PGPEP1: variants seen among roughly 807,000 people sequenced by gnomAD.
The protein encoded by PGPEP1 is pyroglutamyl-peptidase I.
PGPEP1 carries 15 observed loss-of-function variants against 24.1 expected under a neutral mutation model. The observed-to-expected ratio is 0.62, with a 90% CI of 0.42 to 0.96. The LOEUF is 0.96. Ranked by LOEUF, PGPEP1 falls within the 40% of genes least tolerant of loss-of-function variation. PGPEP1 has a pLI of 0.00. For missense variants in PGPEP1, 242 were observed against 273.4 expected, an observed-to-expected ratio of 0.89 and a Z score of 0.81; for synonymous variants, 122 against 116.4, an observed-to-expected ratio of 1.05 and a Z score of -0.31.
intron 3 of PGPEP1, 124 bp from the exon 4 acceptor site, chr19:18,357,259 A>G: frequency 1.5e-6 from 1 of 654,714 alleles, no homozygotes; most frequent in South Asian, 1.8e-5. Flanking sequence ...TAGCAGCAAG[A>G]GGTCAGAAAC....
At chr19:18,358,480 G>A (rs1014358048) in intron 4 of PGPEP1, among the ~76,000 whole-genome samples, 4 of 151,788 alleles carry the variant, frequency 2.6e-5, no homozygotes, top group Non-Finnish European at 4.4e-5. Context: ...GGCTGGTCTC[G>A]AACTCCCGAC....
rs983685513 is a variant in PGPEP1 at position 18,364,463 on chromosome 19, A to C, written c.*880A>C. 2.0e-5 allele frequency: 3 copies of C among 152,064 alleles called. No individual in the cohort carries two copies. The highest frequency in any genetic ancestry group is 4.4e-5 in the Non-Finnish European group (3 of 68,054). The allele number at this position is 152,064 out of a possible 1,614,324, so 9.4% of individuals were successfully genotyped here. A position where few individuals can be genotyped will look rare whatever the true frequency, so the allele number is the denominator to read the frequency against. ...ACCCTGCCTCTACTAAAAATACAAA[A>C]ATTAGCCGGGCATGGTGATGAGTGC... On this transcript the variant is annotated 3_prime_UTR_variant, in exon 5 of 5. Coordinates refer to ENST00000269919, the MANE Select transcript of PGPEP1 (RefSeq NM_017712.4).
At chr19:18,361,880 C>T (rs1281846419) in intron 4 of PGPEP1, 13 of 985,086 alleles carry the variant, frequency 1.3e-5, no homozygotes, top group African/African-American at 1.7e-5. Flanking sequence ...CATTTGTGAG[C>T]GTTCAACATG....
intron 2 of PGPEP1, among the ~76,000 whole-genome samples, chr19:18,344,025 A>G (rs1404242050): frequency 6.6e-6 from 1 of 151,986 alleles, no homozygotes; most frequent in Non-Finnish European, 1.5e-5. Flanking sequence ...ATTGACTCAG[A>G]CAAATCGTGA....
intron 2 of PGPEP1, among the ~76,000 whole-genome samples, chr19:18,353,804 T>A (rs1388514275): frequency 6.6e-6 from 1 of 152,224 alleles, no homozygotes; most frequent in Admixed American, 6.6e-5. Context: ...ATCCACATTG[T>A]ACCACGGATC....
chr19:18,340,751 CGGGGGCAGAGGCG>C, intron 1 of PGPEP1, 36 bp downstream of exon 1: 1 of 1,424,250 alleles, frequency 7.0e-7, no homozygotes, highest in Non-Finnish European at 9.3e-7. Flanking sequence ...CGGCAGCGGC[CGGGGGCAGAGGCG>C]GGGGCGGCTC....
chr19:18,352,188 C>T (rs1600208100), intron 2 of PGPEP1, among the ~76,000 whole-genome samples: 1 of 137,416 alleles, frequency 7.3e-6, no homozygotes, highest in Non-Finnish European at 1.6e-5. Flanking sequence ...AGGAGAATGG[C>T]GTGAACCCGG....
At chr19:18,351,299 G>A (rs1386514232) in intron 2 of PGPEP1, among the ~76,000 whole-genome samples, 1 of 151,582 alleles carries the variant, frequency 6.6e-6, no homozygotes, top group African/African-American at 2.4e-5. Flanking sequence ...TTTAAGTGCT[G>A]TTGGACTTTG....
At chr19:18,359,485 C>A (rs1293466005) in intron 4 of PGPEP1, among the ~76,000 whole-genome samples, 1 of 150,932 alleles carries the variant, frequency 6.6e-6, no homozygotes, top group Non-Finnish European at 1.5e-5. Flanking sequence ...GAACACCTTC[C>A]TCTGGGAACA....
chr19:18,354,415 A>G (rs1210821444), intron 2 of PGPEP1, among the ~76,000 whole-genome samples: 2 of 152,204 alleles, frequency 1.3e-5, no homozygotes, highest in African/African-American at 2.4e-5. Flanking sequence ...GAATGGCATG[A>G]ACCCGGGAGG....
intron 4 of PGPEP1, among the ~76,000 whole-genome samples, chr19:18,359,382 C>G (rs991627697): frequency 1.8e-4 from 27 of 152,238 alleles, no homozygotes; most frequent in African/African-American, 6.5e-4. Flanking sequence ...ATCCATTGCA[C>G]TCCAGACACA....
intron 2 of PGPEP1, among the ~76,000 whole-genome samples, chr19:18,351,667 A>G (rs927674831): frequency 6.6e-6 from 1 of 151,996 alleles, no homozygotes; most frequent in Non-Finnish European, 1.5e-5. Context: ...TGTAAAAACA[A>G]GCCAGATGTG....
At chr19:18,344,259 G>A (rs1400475787) in intron 2 of PGPEP1, among the ~76,000 whole-genome samples, 6 of 152,048 alleles carry the variant, frequency 3.9e-5, no homozygotes, top group African/African-American at 1.4e-4. Flanking sequence ...CATTCCTGGT[G>A]CCCTGAAGAA....
At position 18,357,401 on chromosome 19, in the gene PGPEP1, G is replaced by C. The variant is rs554721769; in HGVS notation, c.223G>C (p.Val75Leu). ...HSPQLVVHVG[V>L]SGMATTVTLE... is the part of the protein sequence containing the mutation. ...TGTGCAGCTGGTGGTGCATGTGGGG[G>C]TGTCAGGCATGGCGACCACAGTCAC... Residue 75 changes from valine (V) to leucine (L), a missense_variant, in exon 4 of 5, where the codon GTG becomes CTG. Transcript: ENST00000269919. The C allele has an allele frequency of 1.2e-5, 19 of 1,613,638 alleles. No homozygotes were observed. The highest frequency in any genetic ancestry group is 1.0e-4 in the Admixed American group (6 of 59,950).
intron 2 of PGPEP1, among the ~76,000 whole-genome samples, chr19:18,352,667 T>A (rs547240529): frequency 1.3e-5 from 2 of 151,746 alleles, no homozygotes; most frequent in South Asian, 4.2e-4. Context: ...GCCATTCTCA[T>A]GCCTCAGCCT....
chr19:18,358,000 T>G (rs952946425), intron 4 of PGPEP1: 1 of 252,680 alleles, frequency 4.0e-6, no homozygotes, highest in African/African-American at 2.2e-5. Flanking sequence ...ATGTATTGTC[T>G]AACAGCCTTG....
chr19:18,345,282 G>A (rs1298742997), intron 2 of PGPEP1, among the ~76,000 whole-genome samples: 6 of 152,022 alleles, frequency 3.9e-5, no homozygotes, highest in Admixed American at 6.6e-5. Context: ...GATTACAGGC[G>A]TGAGTCACTG....
Position 18,355,935 on chromosome 19 carries a change from A to C in PGPEP1, c.128A>C (p.His43Pro). The C allele has an allele frequency of 6.2e-7, 1 of 1,613,600 alleles. No homozygotes were observed. The highest frequency in any genetic ancestry group is 8.5e-7 in the Non-Finnish European group (1 of 1,179,606). The change falls in exon 3 of 5, where the codon CAT becomes CCT. Residue 43 changes from histidine to proline, a missense_variant. His to Pro is a moderately conservative substitution (Grantham distance 77). Transcript: ENST00000269919. Reference sequence around the variant, plus strand: ...GGCCTTGGCGACAGCGTGGACCTGCATGTGTACGAGATTCCGGTTGAGTAC... The same window carrying C: ...GGCCTTGGCGACAGCGTGGACCTGCCTGTGTACGAGATTCCGGTTGAGTAC... ...KLGLGDSVDL[H>P]VYEIPVEYQT...
intron 2 of PGPEP1, among the ~76,000 whole-genome samples, chr19:18,353,270 C>A (rs1047227837): frequency 8.0e-5 from 12 of 150,100 alleles, no homozygotes; most frequent in African/African-American, 3.0e-4. Context: ...CAGGCCATAG[C>A]GCAGTGGTGC....
Sources: gnomAD v4.1 joint callset for allele counts (sites outside exome capture counted in the v4.1 genomes callset) on GRCh38, gnomAD v4.1.1 for gene constraint, MANE v1.5 for transcripts, NCBI Gene and HGNC (gene_info 2026-07-23, HGNC 2026-07-21) for gene names.